CIMIP2B: variants seen among roughly 807,000 people sequenced by gnomAD.
The protein encoded by CIMIP2B is ciliary microtubule inner protein 2B.
the CIMIP2B span, chr9:35,562,180 C>G: frequency 8.7e-7 from 1 of 1,150,420 alleles, no homozygotes; most frequent in South Asian, 1.6e-5. Flanking sequence ...GACCTCCAAA[C>G]AGCCCTCTAA....
chr9:35,561,927 ACCCTCCC>A, the CIMIP2B span: 5 of 192,554 alleles, frequency 2.6e-5, no homozygotes, highest in Admixed American at 6.3e-5. Context: ...CCACCCTCCC[ACCCTCCC>A]ACCCACCTCT....
the CIMIP2B span, chr9:35,563,058 G>A: frequency 6.2e-7 from 1 of 1,614,032 alleles, no homozygotes; most frequent in Non-Finnish European, 8.5e-7. Flanking sequence ...TGGCAAAGAT[G>A]AACTGTGCCC....
chr9:35,562,520 A>C, the CIMIP2B span: 1 of 1,576,694 alleles, frequency 6.3e-7, no homozygotes, highest in Non-Finnish European at 8.6e-7. Context: ...GTTGGTGAGC[A>C]CAGGAAAGCT....
chr9:35,562,220 G>A, the CIMIP2B span: 1 of 998,664 alleles, frequency 1.0e-6, no homozygotes, highest in South Asian at 1.7e-5. Flanking sequence ...ACTGTGGGTA[G>A]CTACCTCGGT....
chr9:35,563,802 TGGTATGAA>T, the CIMIP2B span: 1 of 1,614,008 alleles, frequency 6.2e-7, no homozygotes, highest in Non-Finnish European at 8.5e-7. Flanking sequence ...GGTTGAGCCC[TGGTATGAA>T]GGTGCTGGCC....
chr9:35,562,727 C>T, the CIMIP2B span: 2 of 1,613,404 alleles, frequency 1.2e-6, no homozygotes, highest in Non-Finnish European at 1.7e-6. Context: ...TGTGCTGTCA[C>T]ACAATCTCCC....
At chr9:35,563,772 GAT>G in the CIMIP2B span, 1 of 1,613,732 alleles carries the variant, frequency 6.2e-7, no homozygotes, top group Non-Finnish European at 8.5e-7. Context: ...CTTACCCTGG[GAT>G]ATAATGAGGG....
chr9:35,563,810 A>G, the CIMIP2B span: 1 of 1,614,012 alleles, frequency 6.2e-7, no homozygotes, highest in East Asian at 2.2e-5. Flanking sequence ...CCTGGTATGA[A>G]GGTGCTGGCC....
At chr9:35,561,844 T>G in the CIMIP2B span, 60 of 595,092 alleles carry the variant, frequency 1.0e-4, no homozygotes, top group South Asian at 3.9e-4. Context: ...GTTTATGTAT[T>G]TATTTATTTA....
chr9:35,563,867 A>G, the CIMIP2B span: 4 of 1,593,214 alleles, frequency 2.5e-6, no homozygotes, highest in African/African-American at 5.4e-5. Flanking sequence ...CTTTGAGCCA[A>G]GGCTCTGGTC....
the CIMIP2B span, chr9:35,561,939 A>G: frequency 5.7e-6 from 1 of 174,408 alleles, no homozygotes; most frequent in South Asian, 3.7e-5. Context: ...CCTCCCACCC[A>G]CCTCTCTCCC....
At chr9:35,563,620 T>C in the CIMIP2B span, 7 of 766,964 alleles carry the variant, frequency 9.1e-6, no homozygotes, top group Non-Finnish European at 1.5e-5. Flanking sequence ...ACTAGTCCCT[T>C]GCTTCTCCTT....
chr9:35,563,107 C>A, the CIMIP2B span: 5 of 1,613,456 alleles, frequency 3.1e-6, no homozygotes, highest in Non-Finnish European at 4.2e-6. Context: ...AAGGAAGACT[C>A]GTTAGTGTTT....
the CIMIP2B span, chr9:35,561,936 C>G: frequency 2.4e-6 from 1 of 409,012 alleles, no homozygotes. Flanking sequence ...CACCCTCCCA[C>G]CCACCTCTCT....
the CIMIP2B span, chr9:35,561,896 C>T: frequency 3.8e-6 from 3 of 781,220 alleles, no homozygotes; most frequent in Non-Finnish European, 4.3e-6. Context: ...AGCCTCCAAA[C>T]CATTTTCTCT....
At chr9:35,563,554 T>C in the CIMIP2B span, among the ~76,000 whole-genome samples, 1 of 152,226 alleles carries the variant, frequency 6.6e-6, no homozygotes, top group Non-Finnish European at 1.5e-5. Context: ...TCCTCTGCTG[T>C]TACCCTGTTC....
chr9:35,561,929 C>CCTCCCACCCACCTCTCTCCCT, the CIMIP2B span: 2 of 451,826 alleles, frequency 4.4e-6, no homozygotes, highest in African/African-American at 4.3e-5. Flanking sequence ...ACCCTCCCAC[C>CCTCCCACCCACCTCTCTCCCT]CTCCCACCCA....
chr9:35,562,102 G>A, the CIMIP2B span: 5 of 1,521,926 alleles, frequency 3.3e-6, no homozygotes, highest in East Asian at 1.2e-4. Flanking sequence ...TACCCTGTGT[G>A]GCCAAGAGAG....
the CIMIP2B span, chr9:35,562,340 ACAT>A: frequency 5.8e-6 from 7 of 1,212,048 alleles, no homozygotes; most frequent in Non-Finnish European, 7.9e-6. Flanking sequence ...ATACAAACAA[ACAT>A]TCCAGTCCCC....
Sources: gnomAD v4.1 joint callset for allele counts (sites outside exome capture counted in the v4.1 genomes callset) on GRCh38, gnomAD v4.1.1 for gene constraint, MANE v1.5 for transcripts, NCBI Gene and HGNC (gene_info 2026-07-23, HGNC 2026-07-21) for gene names.